The following SLC7A2 variants were observed in gnomAD, a reference collection of about 807,000 sequenced individuals.
SLC7A2 encodes the protein cationic amino acid transporter 2.
SLC7A2 carries 48 observed loss-of-function variants against 58.9 expected under a neutral mutation model. The observed-to-expected ratio is 0.82, with a 90% CI of 0.65 to 1.04. The LOEUF (loss-of-function observed/expected upper bound fraction) is 1.04. Among genes scored for constraint, SLC7A2 ranks in the 50% least tolerant of loss-of-function variants. The pLI is 0.00. For synonymous variants in SLC7A2, 363 were observed against 314.5 expected (o/e 1.15, Z -1.63); for missense variants, 1,029 against 818.8 (o/e 1.26, Z -3.13).
intron 1 of SLC7A2, chr8:17,498,733 A>C (rs1800043107): frequency 6.6e-6 from 1 of 152,216 alleles, no homozygotes; most frequent in Admixed American, 6.6e-5. Flanking sequence ...ACCAGAGTAA[A>C]GCGCTGTGGT....
intron 2 of SLC7A2, among the ~76,000 whole-genome samples, chr8:17,528,734 T>C (rs1801320448): frequency 6.6e-6 from 1 of 152,136 alleles, no homozygotes; most frequent in South Asian, 2.1e-4. Context: ...AATATATTTA[T>C]ATGAGGGGAG....
intron 2 of SLC7A2, among the ~76,000 whole-genome samples, chr8:17,528,300 C>G (rs1384871895): frequency 6.6e-6 from 1 of 152,142 alleles, no homozygotes; most frequent in African/African-American, 2.4e-5. Context: ...ATATTTGCCT[C>G]CCTACATCTG....
chr8:17,516,384 C>T (rs1043083665), intron 2 of SLC7A2, among the ~76,000 whole-genome samples: 7 of 152,098 alleles, frequency 4.6e-5, no homozygotes, highest in Non-Finnish European at 7.4e-5. Flanking sequence ...CCACCACACC[C>T]GGCTAATTTT....
chr8:17,506,309 C>T (rs1166734971), intron 2 of SLC7A2, among the ~76,000 whole-genome samples: 1 of 152,174 alleles, frequency 6.6e-6, no homozygotes, highest in Non-Finnish European at 1.5e-5. Context: ...TAACAAAAAT[C>T]ACTATTTTCT....
At position 17,501,006 on chromosome 8, in the gene SLC7A2, T is replaced by C. The variant is rs2517225; in HGVS notation, c.-68-1251T>C. 6.9e-3 allele frequency among the ~76,000 whole-genome samples: 639 copies of C among 92,390 alleles called. 3 individuals carry two copies. Among genetic ancestry groups the C allele is most frequent in the African/African-American group, 0.026 (614 of 23,668 alleles). 60.6% of individuals were successfully genotyped at this position (92,390 alleles called of 152,430 possible). ...TATGCTGTTGCTTTTCACATTCTTA[T>C]CGACTTTTTTTTTTTTTTCTGTTTT... On this transcript the variant is annotated intron_variant, in intron 1 of 12. Coordinates refer to ENST00000494857, the MANE Select transcript of SLC7A2 (RefSeq NM_001370338.1).
chr8:17,518,131 T>G (rs1468568680), intron 2 of SLC7A2, among the ~76,000 whole-genome samples: 1 of 152,130 alleles, frequency 6.6e-6, no homozygotes, highest in African/African-American at 2.4e-5. Flanking sequence ...TACAGTGGCC[T>G]TGCTTAAAAA....
At chr8:17,543,907 G>T (rs769626097) in intron 3 of SLC7A2, among the ~76,000 whole-genome samples, 192 bp downstream of exon 3, 4 of 151,852 alleles carry the variant, frequency 2.6e-5, no homozygotes, top group Non-Finnish European at 5.9e-5. Context: ...TCACTCTGTC[G>T]CCCAGGCTTG....
At chr8:17,547,268 G>C (rs1802217256) in intron 4 of SLC7A2, among the ~76,000 whole-genome samples, 1 of 152,074 alleles carries the variant, frequency 6.6e-6, no homozygotes, top group Non-Finnish European at 1.5e-5. Flanking sequence ...TCAGGCAAGA[G>C]AGCATGTGCA....
intron 2 of SLC7A2, among the ~76,000 whole-genome samples, chr8:17,504,983 A>C (rs1800306180): frequency 6.6e-6 from 1 of 152,146 alleles, no homozygotes; most frequent in Non-Finnish European, 1.5e-5. Context: ...GGGAAAGAAG[A>C]ACTCTAAGAT....
In SLC7A2 at chr8:17,562,180, A is replaced by ATTTTTT. The variant is rs200130071; in HGVS notation, c.1671+100_1671+105dup. 3.9e-4 allele frequency: 232 copies of ATTTTTT among 594,138 alleles called. 5 individuals carry two copies. Among genetic ancestry groups the ATTTTTT allele is most frequent in the African/African-American group, 1.4e-3 (38 of 27,104 alleles). The allele number at this position is 594,138 out of a possible 1,614,324, so 36.8% of individuals were successfully genotyped here. On this transcript the variant is annotated intron_variant, in intron 11 of 12. Coordinates refer to ENST00000494857, the MANE Select transcript of SLC7A2 (RefSeq NM_001370338.1). Reference sequence around the variant, plus strand: ...TCTCTGTATAATTAGTTTGGTAAGTATTTTTTTTTTTTTTTTTTTTTTTTT... The same window carrying ATTTTTT: ...TCTCTGTATAATTAGTTTGGTAAGTATTTTTTTTTTTTTTTTTTTTTTTTTTTTTTT...
intron 2 of SLC7A2, among the ~76,000 whole-genome samples, chr8:17,506,407 G>T (rs1800364871): frequency 6.6e-6 from 1 of 152,142 alleles, no homozygotes; most frequent in Admixed American, 6.5e-5. Context: ...ACACTGTTGT[G>T]GTAGTTGGTT....
chr8:17,554,549 T>A lies in SLC7A2; in HGVS notation c.1056-11T>A, dbSNP rs1431300780. ...TGTTTGCCATACTGCATGTGTTTGCTTTTTATTCAGTCTTCTTGGATCCAT... is the reference window on the plus strand; with the variant it reads ...TGTTTGCCATACTGCATGTGTTTGCATTTTATTCAGTCTTCTTGGATCCAT... On this transcript the variant is annotated splice_polypyrimidine_tract_variant and intron_variant, in intron 7 of 12. Coordinates refer to ENST00000494857, the MANE Select transcript of SLC7A2 (RefSeq NM_001370338.1). 6.3e-7 allele frequency: 1 copy of A among 1,582,660 alleles called. No individual in the cohort carries two copies. The highest frequency in any genetic ancestry group is 8.6e-7 in the Non-Finnish European group (1 of 1,169,498).
intron 2 of SLC7A2, among the ~76,000 whole-genome samples, chr8:17,505,570 C>T (rs1800332104): frequency 6.6e-6 from 1 of 152,138 alleles, no homozygotes; most frequent in Non-Finnish European, 1.5e-5. Flanking sequence ...CCTCCAGATT[C>T]TTAGACTCGT....
intron 2 of SLC7A2, among the ~76,000 whole-genome samples, chr8:17,513,521 G>C (rs186919808): frequency 4.6e-5 from 7 of 152,142 alleles, no homozygotes; most frequent in Non-Finnish European, 7.3e-5. Flanking sequence ...TATTTTAAAA[G>C]AGAAGATTTT....
intron 2 of SLC7A2, among the ~76,000 whole-genome samples, chr8:17,534,884 C>T (rs1801599545): frequency 6.6e-6 from 1 of 152,118 alleles, no homozygotes; most frequent in South Asian, 2.1e-4. Context: ...TCCCTTCCCA[C>T]TCATCCTCTT....
At chr8:17,555,113 A>T (rs1194315592) in intron 8 of SLC7A2, 1 of 1,608,790 alleles carries the variant, frequency 6.2e-7, no homozygotes, top group East Asian at 2.2e-5. Flanking sequence ...TTTCTTGAGC[A>T]TTAGACTGGA....
intron 10 of SLC7A2, 133 bp from the exon 11 acceptor site, chr8:17,561,811 G>C: frequency 1.3e-6 from 1 of 785,940 alleles, no homozygotes; most frequent in Non-Finnish European, 2.0e-6. Context: ...GAAAGGGCAA[G>C]GCGAAGACTC....
chr8:17,565,115 T>A lies in SLC7A2; in HGVS notation c.1946T>A (p.Phe649Tyr), dbSNP rs140662063. Residue 649 changes from phenylalanine (F) to tyrosine (Y), a missense_variant, in exon 13 of 13, where the codon TTC becomes TAC. Physicochemically the swap from Phe to Tyr is conservative, Grantham distance 22 (BLOSUM62 3). Transcript: ENST00000494857. ...CACCCAAGAAATCTCAGTTCACCTT[T>A]CATATTCCATGAAAAGACAAGTGAA... is the stretch of plus-strand genomic sequence containing the variant. ...DHHPRNLSSP[F>Y]IFHEKTSEF 24 of 1,613,364 alleles carry A rather than the reference T, an allele frequency of 1.5e-5. No homozygotes were observed. The highest frequency in any genetic ancestry group is 2.2e-5 in the East Asian group (1 of 44,864).
chr8:17,513,739 A>C (rs927722714), intron 2 of SLC7A2, among the ~76,000 whole-genome samples: 2 of 152,196 alleles, frequency 1.3e-5, no homozygotes, highest in African/African-American at 4.8e-5. Flanking sequence ...ATAACTGTGG[A>C]ATCTAAGAAG....
Sources: allele counts gnomAD v4.1 joint callset (sites outside exome capture counted in the v4.1 genomes callset), GRCh38; gene constraint gnomAD v4.1.1; transcripts MANE v1.5; gene names NCBI Gene and HGNC (gene_info 2026-07-23, HGNC 2026-07-21).